Variants in FAM229B observed in about 807,000 individuals in gnomAD.
The protein encoded by FAM229B is family with sequence similarity 229 member B.
Under a neutral mutation model 6.7 loss-of-function variants are expected in FAM229B, and 2 were observed. That is an observed-to-expected ratio of 0.30 (90% CI 0.12 to 0.94). FAM229B has a LOEUF of 0.94. FAM229B is among the 40% of genes least tolerant of loss of function. The pLI, the probability that FAM229B is intolerant of heterozygous loss-of-function variation, is 0.54. For synonymous variants in FAM229B, 29 were observed against 34.0 expected (o/e 0.85, Z 0.51); for missense variants, 93 against 96.2 (o/e 0.97, Z 0.14).
At position 112,099,379 on chromosome 6, in the gene FAM229B, C is replaced by T; in HGVS notation, c.96C>T (p.Ala32=). The part of the protein sequence containing the change: ...ELEPGLSSSA[A]CNGKEMSPTR... The stretch of plus-strand genomic sequence containing the variant: ...AACCTGGGCTGAGCTCCAGTGCTGC[C>T]TGTAATGGGAAGGAGATGTCACCAA... The change falls in exon 3 of 4, where the codon GCC becomes GCT. Residue 32 remains alanine (A), a synonymous_variant. Coordinates refer to ENST00000368656, the MANE Select transcript of FAM229B (RefSeq NM_001033564.3). 6.2e-7 allele frequency: 1 copy of T among 1,613,794 alleles called. No individual in the cohort carries two copies.
At chr6:112,096,407 T>A (rs1470958190) in intron 1 of FAM229B, among the ~76,000 whole-genome samples, 1 of 151,924 alleles carries the variant, frequency 6.6e-6, no homozygotes, top group East Asian at 1.9e-4. Flanking sequence ...ATAGAAAAAA[T>A]TAGCCGGGTG....
intron 1 of FAM229B, among the ~76,000 whole-genome samples, chr6:112,095,662 C>CAAAAAAAAAAAAAAAAAAAAAAAAAAAA (rs376039549): frequency 1.3e-5 from 1 of 77,906 alleles, no homozygotes; most frequent in Non-Finnish European, 2.7e-5. Flanking sequence ...AAAAAAAAAC[C>CAAAAAAAAAAAAAAAAAAAAAAAAAAAA]AAAAAAAAAA....
intron 1 of FAM229B, among the ~76,000 whole-genome samples, chr6:112,094,892 T>G (rs963901371): frequency 1.2e-4 from 18 of 152,256 alleles, no homozygotes; most frequent in African/African-American, 4.3e-4. Context: ...TGCTCTTGTT[T>G]ATCTATTGCT....
At chr6:112,099,040 T>C (rs1777361541) in intron 2 of FAM229B, among the ~76,000 whole-genome samples, 1 of 152,208 alleles carries the variant, frequency 6.6e-6, no homozygotes, top group African/African-American at 2.4e-5. Context: ...GCACCTGTAG[T>C]TCCAGTTACT....
At chr6:112,096,372 C>T (rs1218304274) in intron 1 of FAM229B, among the ~76,000 whole-genome samples, 6 of 151,984 alleles carry the variant, frequency 3.9e-5, no homozygotes, top group South Asian at 2.1e-4. Context: ...CTGGCTAACA[C>T]GGTGAAACCC....
chr6:112,095,067 G>A (rs587595837), intron 1 of FAM229B, among the ~76,000 whole-genome samples: 7 of 152,166 alleles, frequency 4.6e-5, no homozygotes, highest in African/African-American at 1.4e-4. Context: ...TAAATTACAG[G>A]ATTTTAAGAA....
chr6:112,089,353 C>T (rs1296461776), intron 1 of FAM229B, among the ~76,000 whole-genome samples: 3 of 151,724 alleles, frequency 2.0e-5, no homozygotes, highest in African/African-American at 7.3e-5. Flanking sequence ...GGATAAAGTA[C>T]AAGACCTTGG....
At chr6:112,100,635 G>A in intron 3 of FAM229B, 35 bp from the exon 4 acceptor site, 1 of 1,391,282 alleles carries the variant, frequency 7.2e-7, no homozygotes, top group East Asian at 2.3e-5. Flanking sequence ...CCTCTTTTTA[G>A]TATCTAACTA....
intron 2 of FAM229B, 50 bp from the exon 3 acceptor site, chr6:112,099,220 T>C: frequency 2.7e-6 from 4 of 1,497,964 alleles, no homozygotes; most frequent in Non-Finnish European, 2.8e-6. Flanking sequence ...CCACCCCCAA[T>C]ATTTTAATTT....
chr6:112,100,402 A>G (rs1328770020), intron 3 of FAM229B, among the ~76,000 whole-genome samples: 2 of 152,240 alleles, frequency 1.3e-5, no homozygotes, highest in Non-Finnish European at 2.9e-5. Flanking sequence ...CAATCATTGC[A>G]TACCTTTCAA....
intron 1 of FAM229B, among the ~76,000 whole-genome samples, chr6:112,088,176 A>C (rs1777204297): frequency 6.6e-6 from 1 of 152,220 alleles, no homozygotes; most frequent in South Asian, 2.1e-4. Context: ...GTTGACTATA[A>C]GTGCAATAGG....
intron 1 of FAM229B, among the ~76,000 whole-genome samples, chr6:112,095,191 T>C (rs1554318538): frequency 6.6e-6 from 1 of 152,234 alleles, no homozygotes; most frequent in African/African-American, 2.4e-5. Flanking sequence ...GTAGTGCTGA[T>C]TGAATTCTTG....
At chr6:112,094,404 T>C (rs1554318470) in intron 1 of FAM229B, among the ~76,000 whole-genome samples, 2 of 152,234 alleles carry the variant, frequency 1.3e-5, no homozygotes, top group Non-Finnish European at 2.9e-5. Flanking sequence ...CTGTTTTCCA[T>C]GCTGTGGTTA....
chr6:112,098,955 A>G (rs181976160), intron 2 of FAM229B, among the ~76,000 whole-genome samples: 12 of 152,376 alleles, frequency 7.9e-5, no homozygotes, highest in East Asian at 1.9e-4. Flanking sequence ...TAAAAATAGA[A>G]TAACATTCAG....
Position 112,101,085 on chromosome 6 carries a change from T to C in FAM229B, c.*298T>C. On this transcript the variant is annotated 3_prime_UTR_variant, in exon 4 of 4. Transcript: ENST00000368656. Reference sequence around the variant, plus strand: ...ATTAAAGATGAAGCTTAATCCACCATGGTCATCAGTCAGGTGGGGCTTATT... The same window carrying C: ...ATTAAAGATGAAGCTTAATCCACCACGGTCATCAGTCAGGTGGGGCTTATT... 1 of 237,732 alleles carries C rather than the reference T, an allele frequency of 4.2e-6. No homozygotes were observed. Among genetic ancestry groups the C allele is most frequent in the Non-Finnish European group, 8.1e-6 (1 of 122,834 alleles). 14.7% of individuals were successfully genotyped at this position (237,732 alleles called of 1,614,324 possible).
intron 1 of FAM229B, among the ~76,000 whole-genome samples, chr6:112,090,367 T>C (rs111931494): frequency 1.8e-4 from 28 of 152,080 alleles, no homozygotes; most frequent in African/African-American, 6.5e-4. Context: ...TATCACAGAG[T>C]TTTCCAAAGA....
intron 2 of FAM229B, among the ~76,000 whole-genome samples, chr6:112,098,053 A>G (rs1041587023): frequency 1.3e-5 from 2 of 152,302 alleles, no homozygotes; most frequent in South Asian, 2.1e-4. Flanking sequence ...ATGCTGCGAA[A>G]CATCCTACAG....
chr6:112,097,318 T>C (rs1405255842), intron 2 of FAM229B, 117 bp downstream of exon 2: 1 of 152,324 alleles, frequency 6.6e-6, no homozygotes, highest in Non-Finnish European at 1.5e-5. Flanking sequence ...AGCGAAACAC[T>C]TTTTTCTTGA....
At position 112,087,735 on chromosome 6, in the gene FAM229B, G is replaced by A; in HGVS notation, c.-176+15G>A. 2.3e-6 allele frequency: 1 copy of A among 430,200 alleles called. No individual in the cohort carries two copies. The highest frequency in any genetic ancestry group is 4.1e-6 in the Non-Finnish European group (1 of 241,334). 26.6% of individuals were successfully genotyped at this position (430,200 alleles called of 1,614,324 possible). On this transcript the variant is annotated intron_variant, in intron 1 of 3. Transcript: ENST00000368656. ...GTAACTGGCAGGTAACTAGGCTTTG[G>A]AGTGGTATTTTAAAATATGTGTCGT...
Sources: gnomAD v4.1 joint callset for allele counts (sites outside exome capture counted in the v4.1 genomes callset) on GRCh38, gnomAD v4.1.1 for gene constraint, MANE v1.5 for transcripts, NCBI Gene and HGNC (gene_info 2026-07-23, HGNC 2026-07-21) for gene names.